Variants in RIN2 observed in about 807,000 individuals in gnomAD.
RIN2 encodes Ras and Rab interactor 2, also known as RAB5 interacting protein 2.
Under a neutral mutation model 78.0 loss-of-function variants are expected in RIN2, and 36 were observed. That is an observed-to-expected ratio of 0.46 (90% CI 0.35 to 0.61). RIN2 has a LOEUF of 0.61. Among genes scored for constraint, RIN2 ranks in the 20% least tolerant of loss-of-function variants. The pLI, the probability that RIN2 is intolerant of heterozygous loss-of-function variation, is 0.00. For missense variants in RIN2, 1,087 were observed against 1,159.7 expected (o/e 0.94, Z 0.91); for synonymous variants, 466 against 466.8 (o/e 1.00, Z 0.02).
intron 1 of RIN2, among the ~76,000 whole-genome samples, chr20:19,782,619 C>A (rs538673165): frequency 1.3e-5 from 2 of 150,478 alleles, no homozygotes; most frequent in Non-Finnish European, 3.0e-5. Flanking sequence ...TTAAAAATAA[C>A]GGCTGATTTA....
intron 11 of RIN2, among the ~76,000 whole-genome samples, chr20:19,995,695 T>G (rs2042939598): frequency 6.6e-6 from 1 of 151,170 alleles, no homozygotes. Context: ...AAGGGGGGGG[T>G]AAGAAAGGGA....
chr20:19,852,148 C>A (rs7263747), intron 2 of RIN2, among the ~76,000 whole-genome samples: 92,167 of 152,162 alleles, frequency 0.61, 28,804 homozygotes, highest in African/African-American at 0.75. Flanking sequence ...CAGGTCATGC[C>A]GTGAAACCCC....
chr20:19,808,767 T>A lies in RIN2; in HGVS notation c.-37+9020T>A, dbSNP rs777017933. On this transcript the variant is annotated intron_variant, in intron 2 of 12. Transcript: ENST00000255006. ...ATCTACTCAGCTGCTGCTGGCCCCC[T>A]GGGGGTGGCATTGCTAGTGATGTAT... is the stretch of plus-strand genomic sequence containing the variant. Among the ~76,000 whole-genome samples, 23 of 152,266 alleles carry A rather than the reference T, an allele frequency of 1.5e-4. No homozygotes were observed. In the East Asian group the frequency reaches 4.3e-3, roughly 28 times the overall value.
intron 2 of RIN2, among the ~76,000 whole-genome samples, chr20:19,821,755 C>G (rs1488629582): frequency 6.6e-6 from 1 of 152,176 alleles, no homozygotes; most frequent in Admixed American, 6.5e-5. Flanking sequence ...ACCCTTCTGG[C>G]CTCCCTCAGA....
intron 3 of RIN2, among the ~76,000 whole-genome samples, chr20:19,924,838 A>G: frequency 7.9e-6 from 1 of 127,296 alleles, no homozygotes; most frequent in Admixed American, 9.5e-5. Flanking sequence ...CTCCTGGGTT[A>G]AAGAGATGCT....
chr20:19,957,538 G>A (rs572077623), intron 5 of RIN2, among the ~76,000 whole-genome samples: 17 of 152,230 alleles, frequency 1.1e-4, no homozygotes, highest in African/African-American at 3.9e-4. Flanking sequence ...TTAGCCCGGT[G>A]TGGTGGCACA....
chr20:19,971,016 C>A (rs3803982), intron 8 of RIN2, 87 bp downstream of exon 8: 5 of 947,390 alleles, frequency 5.3e-6, no homozygotes, highest in East Asian at 2.6e-5. Context: ...TACATTGCTC[C>A]GTCAATCTCT....
intron 3 of RIN2, among the ~76,000 whole-genome samples, chr20:19,909,153 C>T (rs150667122): frequency 3.9e-5 from 6 of 152,256 alleles, no homozygotes; most frequent in Non-Finnish European, 7.3e-5. Flanking sequence ...TGTGAGCCAC[C>T]GCGCCCAGTC....
chr20:19,963,610 CAAA>C (rs11358752), intron 6 of RIN2, among the ~76,000 whole-genome samples: 20 of 116,866 alleles, frequency 1.7e-4, no homozygotes, highest in East Asian at 2.2e-4. Context: ...ACTCTGTCTC[CAAA>C]AAAAAAAAAA....
At chr20:19,853,453 A>G (rs1407402694) in intron 2 of RIN2, among the ~76,000 whole-genome samples, 4 of 152,138 alleles carry the variant, frequency 2.6e-5, no homozygotes, top group Admixed American at 6.5e-5. Context: ...TTGAGGAATC[A>G]CCACACTGTC....
intron 3 of RIN2, among the ~76,000 whole-genome samples, chr20:19,918,334 T>C (rs577581680): frequency 6.7e-6 from 1 of 150,138 alleles, no homozygotes; most frequent in Admixed American, 6.7e-5. Flanking sequence ...CGAAAAAACG[T>C]GACTCTCATA....
intron 7 of RIN2, 137 bp from the exon 8 acceptor site, chr20:19,970,701 A>T (rs2042075999): frequency 1.5e-6 from 1 of 685,862 alleles, no homozygotes; most frequent in African/African-American, 1.8e-5. Flanking sequence ...CAGGAAAGAT[A>T]ACTTTGTCGA....
intron 5 of RIN2, among the ~76,000 whole-genome samples, chr20:19,960,445 G>A (rs1156916058): frequency 1.3e-5 from 2 of 152,238 alleles, no homozygotes; most frequent in Non-Finnish European, 2.9e-5. Context: ...TGCTTATGCA[G>A]ACTAGGGGAG....
At chr20:19,954,472 G>A (rs2041451535) in intron 4 of RIN2, among the ~76,000 whole-genome samples, 1 of 152,130 alleles carries the variant, frequency 6.6e-6, no homozygotes, top group South Asian at 2.1e-4. Flanking sequence ...TTGGTAAAGG[G>A]TGAGAGAACC....
In RIN2 at chr20:19,975,203, C is replaced by A. The variant is rs773728327; in HGVS notation, c.1178C>A (p.Ala393Asp). ...GAGPELELGT[A>D]GSPGGAPPEA... ...GGCCCGGAGCTGGAGCTGGGCACAG[C>A]TGGCAGCCCAGGTGGGGCCCCGCCT... The change falls in exon 9 of 13, where the codon GCT becomes GAT. Residue 393 changes from alanine (A) to aspartate (D), a missense_variant. Ala to Asp is a moderately radical substitution (Grantham distance 126). Coordinates refer to ENST00000255006, the MANE Select transcript of RIN2 (RefSeq NM_018993.4). The surrounding 1 kb of genome is among the most constrained non-coding windows in gnomAD (Gnocchi z 4.9). 1.6e-5 allele frequency: 25 copies of A among 1,600,030 alleles called. 3 individuals carry two copies. The South Asian group carries it at 2.6e-4, about 16-fold the overall frequency.
chr20:19,951,777 G>A (rs1381373448), intron 4 of RIN2, among the ~76,000 whole-genome samples: 1 of 152,202 alleles, frequency 6.6e-6, no homozygotes, highest in Non-Finnish European at 1.5e-5. Context: ...GCTGAGCTAG[G>A]AGAGGAACCT....
chr20:19,797,615 G>A (rs2035098440), intron 1 of RIN2, among the ~76,000 whole-genome samples: 1 of 152,198 alleles, frequency 6.6e-6, no homozygotes, highest in Non-Finnish European at 1.5e-5. Context: ...GTGAAGTGAT[G>A]TCAACGTAGC....
At chr20:19,879,588 A>G (rs544624738) in intron 2 of RIN2, among the ~76,000 whole-genome samples, 1 of 152,310 alleles carries the variant, frequency 6.6e-6, no homozygotes, top group Non-Finnish European at 1.5e-5. Flanking sequence ...TAATCCTACA[A>G]CACATGGATG....
chr20:19,933,408 T>C (rs565792952), intron 3 of RIN2, among the ~76,000 whole-genome samples: 57 of 152,270 alleles, frequency 3.7e-4, no homozygotes, highest in African/African-American at 1.3e-3. Context: ...CTCTATCGCT[T>C]AAAAAAGACT....
Sources: gnomAD v4.1 joint callset for allele counts (sites outside exome capture counted in the v4.1 genomes callset) on GRCh38, gnomAD v4.1.1 for gene constraint, Gnocchi (gnomAD v3.1) non-coding constraint, MANE v1.5 for transcripts, NCBI Gene and HGNC (gene_info 2026-07-23, HGNC 2026-07-21) for gene names.